The following KBTBD2 variants were observed in gnomAD, a reference collection of about 807,000 sequenced individuals.
KBTBD2 encodes the protein kelch repeat and BTB domain containing 2, also known as kelch repeat and BTB domain-containing protein 2.
Under a neutral mutation model 57.1 loss-of-function variants are expected in KBTBD2, and 17 were observed. That is an observed-to-expected ratio of 0.30 (90% confidence interval 0.20 to 0.45). KBTBD2 has a LOEUF of 0.45. KBTBD2 is among the 20% of genes least tolerant of loss of function. The pLI, the probability that KBTBD2 is intolerant of heterozygous loss-of-function variation, is 1.00. For synonymous variants in KBTBD2, 267 were observed against 262.7 expected (o/e 1.02, Z -0.16); for missense variants, 515 against 750.6 (o/e 0.69, Z 3.67).
At position 32,888,904 on chromosome 7, in the gene KBTBD2, G is replaced by T. The variant is rs963721621; in HGVS notation, c.-339+2632C>A. Among the ~76,000 whole-genome samples, 8 of 152,192 alleles carry T rather than the reference G, an allele frequency of 5.3e-5. No homozygotes were observed. In the East Asian group the frequency reaches 1.4e-3, roughly 26 times the overall value. On this transcript the variant is annotated intron_variant, in intron 1 of 3. Coordinates refer to ENST00000304056, the MANE Select transcript of KBTBD2 (RefSeq NM_015483.3). Reference sequence around the variant, plus strand: ...ATCTCAGTTTTAAAAAATTAAACAAGAACATAAAGGCAATGCCACCTGCGA... The same window carrying T: ...ATCTCAGTTTTAAAAAATTAAACAATAACATAAAGGCAATGCCACCTGCGA...
intron 3 of KBTBD2, among the ~76,000 whole-genome samples, chr7:32,873,803 G>A (rs967792936): frequency 2.0e-5 from 3 of 152,108 alleles, no homozygotes; most frequent in African/African-American, 7.2e-5. Flanking sequence ...CACGAAACCA[G>A]TATAAAATTT....
chr7:32,869,212 G>C lies in KBTBD2; in HGVS notation c.*133C>G. The C allele has an allele frequency of 1.6e-6, 1 of 617,180 alleles. No homozygotes were observed. Among genetic ancestry groups the C allele is most frequent in the Admixed American group, 3.1e-5 (1 of 31,860 alleles). 38.2% of individuals were successfully genotyped at this position (617,180 alleles called of 1,614,324 possible). On this transcript the variant is annotated 3_prime_UTR_variant, in exon 4 of 4. Coordinates refer to ENST00000304056, the MANE Select transcript of KBTBD2 (RefSeq NM_015483.3). ...TATATTATACTGATGCAAATATTAA[G>C]TAGGGCATAAAAATAAAATTTATCA...
At chr7:32,882,369 T>A (rs575654686) in intron 1 of KBTBD2, among the ~76,000 whole-genome samples, 5 of 152,336 alleles carry the variant, frequency 3.3e-5, no homozygotes, top group African/African-American at 1.2e-4. Context: ...AGGCTCACTC[T>A]GGTCATTTCA....
In KBTBD2 at chr7:32,870,191, A is replaced by C; in HGVS notation, c.1026T>G (p.Thr342=). Residue 342 remains threonine, a synonymous_variant, in exon 4 of 4, where the codon ACT becomes ACG. Coordinates refer to ENST00000304056, the MANE Select transcript of KBTBD2 (RefSeq NM_015483.3). The stretch of plus-strand genomic sequence containing the variant: ...AAAAGCAATTCACAGTTCTGAAGGC[A>C]GTCTGAAGTTTGCTTGTTTTACTGT... ...TNHSKTSKLQ[T]AFRTVNCFYW... 6.2e-7 allele frequency: 1 copy of C among 1,614,198 alleles called. No homozygotes were observed. The highest frequency in any genetic ancestry group is 1.3e-5 in the African/African-American group (1 of 75,042).
intron 1 of KBTBD2, chr7:32,891,104 G>C (rs1000941900): frequency 6.6e-6 from 1 of 152,366 alleles, no homozygotes; most frequent in Non-Finnish European, 1.5e-5. Context: ...ACAGAAGGAA[G>C]GGGGTGTCCT....
intron 2 of KBTBD2, among the ~76,000 whole-genome samples, chr7:32,875,751 T>C (rs1386280385): frequency 6.6e-6 from 1 of 152,094 alleles, no homozygotes; most frequent in Non-Finnish European, 1.5e-5. Flanking sequence ...TTAACATAAA[T>C]GAACCTGAAA....
chr7:32,870,315 G>A lies in KBTBD2; in HGVS notation c.902C>T (p.Pro301Leu). Residue 301 changes from proline to leucine, a missense_variant, in exon 4 of 4, where the codon CCA (proline) becomes CTA (leucine). Pro to Leu is a moderately conservative substitution (Grantham distance 98). Transcript: ENST00000304056. Reference sequence around the variant, plus strand: ...CCCAACCTTATGCAAATCAGCTGGTGGGCTACATAACTTGTAAACTTTTTC... The same window carrying A: ...CCCAACCTTATGCAAATCAGCTGGTAGGCTACATAACTTGTAAACTTTTTC... ...QAEKVYKLCS[P>L]PADLHKVGTV... 6.2e-7 allele frequency: 1 copy of A among 1,614,036 alleles called. No individual in the cohort carries two copies. Among genetic ancestry groups the A allele is most frequent in the South Asian group, 1.1e-5 (1 of 91,070 alleles).
At chr7:32,884,390 T>TAA (rs11363525) in intron 1 of KBTBD2, among the ~76,000 whole-genome samples, 1 of 125,788 alleles carries the variant, frequency 7.9e-6, no homozygotes, top group East Asian at 2.3e-4. Flanking sequence ...ATTTTTAATT[T>TAA]AAAAAAAAAA....
chr7:32,888,413 A>G (rs1405145114), intron 1 of KBTBD2, among the ~76,000 whole-genome samples: 2 of 152,214 alleles, frequency 1.3e-5, no homozygotes, highest in Non-Finnish European at 2.9e-5. Context: ...GATGGGTGCT[A>G]GAAACAGTTT....
chr7:32,875,260 T>C (rs1188464129), intron 2 of KBTBD2, 103 bp from the exon 3 acceptor site: 2 of 1,078,690 alleles, frequency 1.9e-6, no homozygotes, highest in Non-Finnish European at 2.7e-6. Context: ...TTTAGGGTAT[T>C]TACTTATAAG....
Position 32,875,105 on chromosome 7 carries a change from T to G in KBTBD2, c.223A>C (p.Arg75=), listed in dbSNP as rs1784280287. ...TGTAAGGTGGCAGCATCGACATTCCTCAGGTGTACATGGGTTTGTTTGCTT... is the reference window on the plus strand; with the variant it reads ...TGTAAGGTGGCAGCATCGACATTCCGCAGGTGTACATGGGTTTGTTTGCTT... ...SESKQTHVHL[R]NVDAATLQII... is the part of the protein sequence containing the mutation. Residue 75 remains arginine, a synonymous_variant, in exon 3 of 4, where the codon AGG becomes CGG. Coordinates refer to ENST00000304056, the MANE Select transcript of KBTBD2 (RefSeq NM_015483.3). 6.2e-7 allele frequency: 1 copy of G among 1,614,096 alleles called. No individual in the cohort carries two copies. Among genetic ancestry groups the G allele is most frequent in the Non-Finnish European group, 8.5e-7 (1 of 1,180,014 alleles).
chr7:32,885,531 T>C (rs2127956391), intron 1 of KBTBD2, among the ~76,000 whole-genome samples: 1 of 150,600 alleles, frequency 6.6e-6, no homozygotes, highest in East Asian at 2.0e-4. Flanking sequence ...AAATCCATAC[T>C]GAGAAAAAGC....
In KBTBD2 at chr7:32,869,312, A is replaced by C. The variant is rs118056137; in HGVS notation, c.*33T>G. ...TTTAGCAAAGAAAATGACAAAGCACATAACTCAGGCGTGCACTCCCTGAAC... is the reference window on the plus strand; with the variant it reads ...TTTAGCAAAGAAAATGACAAAGCACCTAACTCAGGCGTGCACTCCCTGAAC... On this transcript the variant is annotated 3_prime_UTR_variant, in exon 4 of 4. Transcript: ENST00000304056. 1.4e-6 allele frequency: 2 copies of C among 1,439,200 alleles called. No homozygotes were observed. Among genetic ancestry groups the C allele is most frequent in the Non-Finnish European group, 1.9e-6 (2 of 1,055,450 alleles). 89.2% of individuals were successfully genotyped at this position (1,439,200 alleles called of 1,614,324 possible).
At chr7:32,877,322 C>T (rs552561296) in intron 2 of KBTBD2, among the ~76,000 whole-genome samples, 1 of 152,270 alleles carries the variant, frequency 6.6e-6, no homozygotes, top group Non-Finnish European at 1.5e-5. Flanking sequence ...CGACCAGAAA[C>T]AGCAAATACT....
rs1784273368 is a variant in KBTBD2, at chr7:32,874,913, G to T, written c.336+79C>A. On this transcript the variant is annotated intron_variant, in intron 3 of 3. Transcript: ENST00000304056. ...TTGAACCTGGGAGGCGGAGGTTGCA[G>T]TGAGCGGAGATCGTGCCACTGCACT... 4.4e-5 allele frequency: 53 copies of T among 1,213,942 alleles called. No individual in the cohort carries two copies. The South Asian group carries it at 6.7e-4, about 15-fold the overall frequency. 75.2% of individuals were successfully genotyped at this position (1,213,942 alleles called of 1,614,324 possible).
At chr7:32,892,161 GAA>G (rs942341843), upstream of KBTBD2, 3 of 152,300 alleles carry the variant, frequency 2.0e-5, no homozygotes, top group Admixed American at 6.5e-5. Context: ...GCGCAGGCGC[GAA>G]AGAGGAAACG....
intron 1 of KBTBD2, among the ~76,000 whole-genome samples, chr7:32,885,652 A>AGAAT (rs1021149228): frequency 1.3e-5 from 2 of 152,192 alleles, no homozygotes; most frequent in Admixed American, 1.3e-4. Context: ...ACTGATCATT[A>AGAAT]GAATATATTC....
intron 1 of KBTBD2, among the ~76,000 whole-genome samples, chr7:32,883,540 T>G (rs1784494301): frequency 7.3e-6 from 1 of 136,916 alleles, no homozygotes; most frequent in South Asian, 2.3e-4. Flanking sequence ...CAATTCAGTA[T>G]GTACTATATT....
intron 3 of KBTBD2, 63 bp from the exon 4 acceptor site, chr7:32,870,943 TG>T (rs1247836301): frequency 5.2e-6 from 5 of 960,804 alleles, no homozygotes; most frequent in Non-Finnish European, 7.5e-6. Flanking sequence ...TTTACTTTTA[TG>T]TAAGACGTAA....
Sources: gnomAD v4.1 joint callset for allele counts (sites outside exome capture counted in the v4.1 genomes callset) on GRCh38, gnomAD v4.1.1 for gene constraint, MANE v1.5 for transcripts, NCBI Gene and HGNC (gene_info 2026-07-23, HGNC 2026-07-21) for gene names.